Variants in AIM2 observed in about 807,000 individuals in gnomAD.
AIM2 encodes absent in melanoma 2.
Under a neutral mutation model 27.7 loss-of-function variants are expected in AIM2, and 30 were observed. The observed-to-expected ratio is 1.08, with a 90% confidence interval of 0.81 to 1.47. The LOEUF (loss-of-function observed/expected upper bound fraction) is 1.47. Ranked by LOEUF, AIM2 falls within the 40% of genes most tolerant of loss-of-function variation. AIM2 has a pLI of 0.00. For missense variants in AIM2, 358 were observed against 411.3 expected (o/e 0.87, Z 1.12); for synonymous variants, 141 against 145.3 (o/e 0.97, Z 0.21).
At chr1:159,094,328 C>A (rs986501806) in intron 1 of AIM2, among the ~76,000 whole-genome samples, 10 of 152,156 alleles carry the variant, frequency 6.6e-5, no homozygotes, top group African/African-American at 2.4e-4. Flanking sequence ...AGGTACATAG[C>A]TATTCATTGA....
upstream of AIM2, among the ~76,000 whole-genome samples, chr1:159,142,804 T>G (rs562551864): frequency 5.3e-5 from 8 of 152,338 alleles, no homozygotes; most frequent in Non-Finnish European, 1.2e-4. Flanking sequence ...ATCCAAATCC[T>G]TCTTACCTCA....
At chr1:159,063,429 A>C in intron 5 of AIM2, 57 bp downstream of exon 5, 5 of 1,531,820 alleles carry the variant, frequency 3.3e-6, no homozygotes, top group Non-Finnish European at 4.4e-6. Flanking sequence ...GCTTTCTGAT[A>C]GAAAACAAAA....
chr1:159,080,309 A>C (rs1000496519), upstream of AIM2, among the ~76,000 whole-genome samples: 8 of 152,248 alleles, frequency 5.3e-5, no homozygotes, highest in African/African-American at 1.9e-4. Context: ...GTTTATGAGC[A>C]AACGAAAGGT....
At chr1:159,137,949 G>A (rs1648041984) in intron 1 of AIM2, among the ~76,000 whole-genome samples, 1 of 152,180 alleles carries the variant, frequency 6.6e-6, no homozygotes, top group Admixed American at 6.5e-5. Context: ...TGCGTTCAGG[G>A]TGGGTCTTCA....
At position 159,075,574 on chromosome 1, in the gene AIM2, CAT is replaced by C. The variant is rs397862232; in HGVS notation, c.-21+1057_-21+1058del. ...ACACACACACACACACACACACACA[CAT>C]ATATATATGGCTATACCTGCTATAT... On this transcript the variant is annotated intron_variant, in intron 1 of 5. Transcript: ENST00000368130. Among the ~76,000 whole-genome samples the C allele has an allele frequency of 9.8e-4, 107 of 109,210 alleles. No individual in the cohort carries two copies. The Middle Eastern group carries it at 0.014, about 15-fold the overall frequency. 71.6% of individuals were successfully genotyped at this position (109,210 alleles called of 152,430 possible). A position where few individuals can be genotyped will look rare whatever the true frequency, so the allele number is the denominator to read the frequency against.
chr1:159,088,314 T>C (rs893617439), intron 1 of AIM2, among the ~76,000 whole-genome samples: 2 of 152,152 alleles, frequency 1.3e-5, no homozygotes, highest in African/African-American at 2.4e-5. Context: ...TAAAAGAACA[T>C]GCCTTAGAAC....
At chr1:159,137,916 C>T (rs1648041573) in intron 1 of AIM2, among the ~76,000 whole-genome samples, 1 of 152,154 alleles carries the variant, frequency 6.6e-6, no homozygotes. Context: ...AGCATGCCTG[C>T]ACTGGTCTGC....
intron 1 of AIM2, among the ~76,000 whole-genome samples, chr1:159,091,883 C>T (rs1293962381): frequency 6.6e-6 from 1 of 152,114 alleles, no homozygotes; most frequent in Non-Finnish European, 1.5e-5. Context: ...AAAGGGGCCT[C>T]AAGGATACAC....
chr1:159,122,988 C>T (rs1421272624), intron 1 of AIM2, among the ~76,000 whole-genome samples: 3 of 152,086 alleles, frequency 2.0e-5, no homozygotes, highest in African/African-American at 4.8e-5. Flanking sequence ...ACTTTGGTCT[C>T]CATGAAAACG....
chr1:159,063,699 C>A, intron 4 of AIM2, 25 bp from the exon 5 acceptor site: 1 of 1,604,080 alleles, frequency 6.2e-7, no homozygotes, highest in Non-Finnish European at 8.5e-7. Context: ...CAACACCCAG[C>A]CTCTGATAAT....
At chr1:159,126,105 C>T (rs1380223693) in intron 1 of AIM2, among the ~76,000 whole-genome samples, 2 of 152,184 alleles carry the variant, frequency 1.3e-5, no homozygotes, top group East Asian at 3.9e-4. Context: ...TAACTTGAAT[C>T]TCTTGTTTTC....
At chr1:159,062,423 G>A (rs1655865888), downstream of AIM2, 1 of 514,452 alleles carries the variant, frequency 1.9e-6, no homozygotes, top group African/African-American at 1.9e-5. Flanking sequence ...ATAATACATT[G>A]ATAAAGTATT....
chr1:159,068,506 G>T (rs937437960), intron 3 of AIM2, 62 bp downstream of exon 3: 2 of 1,526,676 alleles, frequency 1.3e-6, no homozygotes, highest in Non-Finnish European at 1.8e-6. Context: ...AACAATATGG[G>T]AAGTGACAGT....
chr1:159,113,531 T>C (rs1047379644), intron 1 of AIM2, among the ~76,000 whole-genome samples: 2 of 152,228 alleles, frequency 1.3e-5, no homozygotes, highest in African/African-American at 4.8e-5. Flanking sequence ...AAAGACGACT[T>C]CTATACTTTC....
At chr1:159,100,199 G>A (rs1311139755) in intron 1 of AIM2, among the ~76,000 whole-genome samples, 3 of 152,088 alleles carry the variant, frequency 2.0e-5, no homozygotes, top group African/African-American at 7.2e-5. Flanking sequence ...TGTTAATGAA[G>A]ACTTTTGCAA....
chr1:159,114,152 G>C (rs1219328313), intron 1 of AIM2, among the ~76,000 whole-genome samples: 2 of 152,296 alleles, frequency 1.3e-5, no homozygotes, highest in East Asian at 3.9e-4. Context: ...GTGGACAAGA[G>C]ACTGGGTAAC....
chr1:159,064,174 C>T (rs1425845529), intron 4 of AIM2, among the ~76,000 whole-genome samples: 1 of 152,278 alleles, frequency 6.6e-6, no homozygotes, highest in South Asian at 2.1e-4. Context: ...AAGCCCTAAT[C>T]CCTACATTGT....
downstream of AIM2, among the ~76,000 whole-genome samples, chr1:159,057,777 AAAC>A (rs1294914340): frequency 1.3e-5 from 2 of 152,108 alleles, no homozygotes; most frequent in Non-Finnish European, 2.9e-5. Context: ...TTTTTGGAAA[AAAC>A]AAACAAAAAA....
At chr1:159,118,772 T>G (rs1023386098) in intron 1 of AIM2, among the ~76,000 whole-genome samples, 2 of 152,340 alleles carry the variant, frequency 1.3e-5, no homozygotes, top group African/African-American at 4.8e-5. Context: ...GGGAATCTTC[T>G]GCAATACTCA....
Sources: gnomAD v4.1 joint callset for allele counts (sites outside exome capture counted in the v4.1 genomes callset) on GRCh38, gnomAD v4.1.1 for gene constraint, MANE v1.5 for transcripts, NCBI Gene and HGNC (gene_info 2026-07-23, HGNC 2026-07-21) for gene names.